Variants in FBXL4 observed in about 807,000 individuals in gnomAD.
FBXL4 encodes F-box and leucine rich repeat protein 4, also known as F-box/LRR-repeat protein 4.
Under a neutral mutation model 58.9 loss-of-function variants are expected in FBXL4, and 40 were observed. The ratio of observed to expected loss-of-function variants is 0.68; its 90% CI spans 0.53 to 0.88. FBXL4 has a LOEUF of 0.88. Among genes scored for constraint, FBXL4 ranks in the 40% least tolerant of loss-of-function variants. The pLI is 0.00. For synonymous variants in FBXL4, 263 were observed against 265.5 expected (o/e 0.99, Z 0.09); for missense variants, 676 against 734.4 (o/e 0.92, Z 0.92).
At chr6:98,939,976 T>G (rs1013261035) in intron 1 of FBXL4, among the ~76,000 whole-genome samples, 1 of 152,246 alleles carries the variant, frequency 6.6e-6, no homozygotes, top group African/African-American at 2.4e-5. Flanking sequence ...TAGTACAGTA[T>G]GTACCACAGC....
intron 1 of FBXL4, among the ~76,000 whole-genome samples, chr6:98,944,456 G>A (rs899179291): frequency 2.6e-5 from 4 of 152,116 alleles, no homozygotes; most frequent in African/African-American, 7.2e-5. Flanking sequence ...CATACAGATA[G>A]TCAACCTCAT....
chr6:98,898,303 T>C (rs1057374463), intron 7 of FBXL4: 1 of 985,252 alleles, frequency 1.0e-6, no homozygotes, highest in Non-Finnish European at 1.2e-6. Context: ...AAAAAGTATA[T>C]GACAAACAGT....
chr6:98,926,744 G>T lies in FBXL4; in HGVS notation c.245C>A (p.Pro82Gln). Residue 82 changes from proline (P) to glutamine (Q), a missense_variant, in exon 4 of 10, where the codon CCA becomes CAA. Transcript: ENST00000369244. ...SYTMWNLAGV[P>Q]NVFPSSGDFT... ...GTCACCAGAACTTGGGAATACATTTGGTACACCAGCCAAATTCCACATAGT... is the reference window on the plus strand; with the variant it reads ...GTCACCAGAACTTGGGAATACATTTTGTACACCAGCCAAATTCCACATAGT... The T allele has an allele frequency of 6.2e-7, 1 of 1,614,134 alleles. No homozygotes were observed. Among genetic ancestry groups the T allele is most frequent in the Non-Finnish European group, 8.5e-7 (1 of 1,180,034 alleles).
chr6:98,895,626 A>T (rs1475666159), intron 7 of FBXL4, among the ~76,000 whole-genome samples: 1 of 152,190 alleles, frequency 6.6e-6, no homozygotes, highest in East Asian at 1.9e-4. Context: ...TTGAGACCAT[A>T]ATTTAATTAT....
At position 98,946,564 on chromosome 6, in the gene FBXL4, A is replaced by G. The variant is rs555228195; in HGVS notation, c.-309+1242T>C. On this transcript the variant is annotated intron_variant, in intron 1 of 9. Transcript: ENST00000369244. The stretch of plus-strand genomic sequence containing the variant: ...GCAAGTACCATATGTACCATTGTAC[A>G]GAGTACTATAATCGCATTATTTCAT... Among the ~76,000 whole-genome samples the G allele has an allele frequency of 1.1e-4, 16 of 152,348 alleles. No homozygotes were observed. In the South Asian group the frequency reaches 3.3e-3, roughly 32 times the overall value.
At chr6:98,881,256 T>G (rs1197373914) in intron 7 of FBXL4, among the ~76,000 whole-genome samples, 2 of 152,178 alleles carry the variant, frequency 1.3e-5, no homozygotes, top group Non-Finnish European at 2.9e-5. Context: ...AGCCCATCTA[T>G]CCTGTGCAAT....
In FBXL4 at chr6:98,917,663, T is replaced by C; in HGVS notation, c.569A>G (p.Gln190Arg). Residue 190 changes from glutamine (Q) to arginine (R), a missense_variant, in exon 5 of 10, where the codon CAG (glutamine) becomes CGG (arginine). Coordinates refer to ENST00000369244, the MANE Select transcript of FBXL4 (RefSeq NM_001278716.2). ...TATCTGCTTAATACAAGGTTTAAAC[T>C]GGCGAGCTTGGGAAGCATTCACCTT... The part of the protein sequence containing the change: ...PTKVNASQAR[Q>R]FKPCIKQINF... 1 of 1,612,592 alleles carries C rather than the reference T, an allele frequency of 6.2e-7. No homozygotes were observed.
Position 98,874,274 on chromosome 6 carries a change from TAA to T in FBXL4, c.*2_*3del. 6.3e-7 allele frequency: 1 copy of T among 1,575,752 alleles called. No individual in the cohort carries two copies. Among genetic ancestry groups the T allele is most frequent in the Non-Finnish European group, 8.6e-7 (1 of 1,167,634 alleles). ...ATTAATTTTAATACAGAACATATAT[TAA>T]GTCACTGAGTAAAGCTCTTTTTTAT... is the stretch of plus-strand genomic sequence containing the variant. On this transcript the variant is annotated 3_prime_UTR_variant, in exon 10 of 10. Transcript: ENST00000369244.
In FBXL4 at chr6:98,917,685, C is replaced by G. The variant is rs774720010; in HGVS notation, c.547G>C (p.Val183Leu). 1 of 1,611,722 alleles carries G rather than the reference C, an allele frequency of 6.2e-7. No individual in the cohort carries two copies. The highest frequency in any genetic ancestry group is 1.1e-5 in the South Asian group (1 of 90,698). Residue 183 changes from valine (V) to leucine (L), a missense_variant, in exon 5 of 10, where the codon GTG becomes CTG. By Grantham distance (32) the Val-to-Leu change is conservative. Transcript: ENST00000369244. ...AACTGGCGAGCTTGGGAAGCATTCA[C>G]CTTCGTAGGTCTCTCTGACCAAAGA... ...EILWSERPTK[V>L]NASQARQFKP... is the part of the protein sequence containing the mutation.
chr6:98,947,177 A>T (rs1359069521), intron 1 of FBXL4, among the ~76,000 whole-genome samples: 1 of 152,252 alleles, frequency 6.6e-6, no homozygotes, highest in Non-Finnish European at 1.5e-5. Context: ...ATGCATCTCG[A>T]AGGTTTGTGG....
rs1770429589 is a variant in FBXL4, at chr6:98,869,191, G to A, written c.*5087C>T. ...TAAGGGTAGTTAAAAAAGTTTCTCT[G>A]AAGTATCAATATCAAATGTGCTAAA... On this transcript the variant is annotated 3_prime_UTR_variant, in exon 10 of 10. Transcript: ENST00000369244. 6.6e-6 allele frequency: 1 copy of A among 152,190 alleles called. No individual in the cohort carries two copies. Among genetic ancestry groups the A allele is most frequent in the African/African-American group, 2.4e-5 (1 of 41,452 alleles). 9.4% of individuals were successfully genotyped at this position (152,190 alleles called of 1,614,324 possible).
Position 98,917,404 on chromosome 6 carries a change from AT to A in FBXL4, c.827del (p.Asn276IlefsTer15), listed in dbSNP as rs1240941970. On this transcript the variant is annotated frameshift_variant, in exon 5 of 10. Transcript: ENST00000369244. LOFTEE classifies it high-confidence loss of function. ...AAGGTAGTTTATCAAAATACCCATT[AT>A]TTGGCCCTTCCCCGAGGACAGCACT... ...FSSAVLGEGP[N>X]NGYFDKLPYE... The A allele has an allele frequency of 6.2e-7, 1 of 1,611,108 alleles. No homozygotes were observed. Among genetic ancestry groups the A allele is most frequent in the Admixed American group, 1.7e-5 (1 of 59,730 alleles).
chr6:98,891,106 T>C (rs1452582419), intron 7 of FBXL4, among the ~76,000 whole-genome samples: 1 of 152,212 alleles, frequency 6.6e-6, no homozygotes, highest in Admixed American at 6.5e-5. Flanking sequence ...CAATATGGTA[T>C]AGATTATATA....
intron 5 of FBXL4, among the ~76,000 whole-genome samples, chr6:98,909,774 C>G (rs1308942066): frequency 6.6e-6 from 1 of 152,090 alleles, no homozygotes; most frequent in Non-Finnish European, 1.5e-5. Flanking sequence ...TTTCCTCCCT[C>G]CTCCCAGTAA....
At position 98,872,666 on chromosome 6, in the gene FBXL4, T is replaced by G. The variant is rs1258680518; in HGVS notation, c.*1612A>C. On this transcript the variant is annotated 3_prime_UTR_variant, in exon 10 of 10. Coordinates refer to ENST00000369244, the MANE Select transcript of FBXL4 (RefSeq NM_001278716.2). ...GTTTTACCTCTTAGCCCACAAAGCC[T>G]AAAATATTTACTATCTGGCCCTTTA... is the stretch of plus-strand genomic sequence containing the variant. 6.6e-6 allele frequency: 1 copy of G among 152,186 alleles called. No homozygotes were observed. The highest frequency in any genetic ancestry group is 2.4e-5 in the African/African-American group (1 of 41,450). The allele number at this position is 152,186 out of a possible 1,614,324, so 9.4% of individuals were successfully genotyped here.
chr6:98,923,126 G>A (rs1772646748), intron 4 of FBXL4, among the ~76,000 whole-genome samples: 1 of 152,082 alleles, frequency 6.6e-6, no homozygotes, highest in East Asian at 1.9e-4. Flanking sequence ...TCCAGCCCAT[G>A]GTAAAAGTCT....
At chr6:98,917,041 G>A (rs1772386505) in intron 5 of FBXL4, among the ~76,000 whole-genome samples, 1 of 151,866 alleles carries the variant, frequency 6.6e-6, no homozygotes, top group South Asian at 2.1e-4. Context: ...CTAATAAAAA[G>A]TTAAGCATGT....
rs1440901858 is a variant in FBXL4, at chr6:98,917,444, T to C, written c.788A>G (p.Asn263Ser). The change falls in exon 5 of 10, where the codon AAC becomes AGC. Residue 263 changes from asparagine (N) to serine (S), a missense_variant. By Grantham distance (46) the Asn-to-Ser change is conservative. Coordinates refer to ENST00000369244, the MANE Select transcript of FBXL4 (RefSeq NM_001278716.2). ...EKDGCGMDSL[N>S]KKFSSAVLGE... Reference sequence around the variant, plus strand: ...GAGGACAGCACTGCTAAACTTTTTGTTAAGACTGTCCATTCCACAACCATC... The same window carrying C: ...GAGGACAGCACTGCTAAACTTTTTGCTAAGACTGTCCATTCCACAACCATC... 8 of 1,613,876 alleles carry C rather than the reference T, an allele frequency of 5.0e-6. No homozygotes were observed. The South Asian group carries it at 8.8e-5, about 18-fold the overall frequency.
Position 98,899,291 on chromosome 6 carries a change from C to G in FBXL4, c.1294G>C (p.Val432Leu), listed in dbSNP as rs760332582. ...ACCTCTACTTTTGTTCGATAGAGAA[C>G]AAGTCGTTTAAGGCTGCATAACTTG... ...IAKLCSLKRL[V>L]LYRTKVEQTA... Residue 432 changes from valine to leucine, a missense_variant, in exon 7 of 10, where the codon GTT becomes CTT. By Grantham distance (32) the Val-to-Leu change is conservative (BLOSUM62 1). Transcript: ENST00000369244. 1 of 1,613,892 alleles carries G rather than the reference C, an allele frequency of 6.2e-7. No individual in the cohort carries two copies. The highest frequency in any genetic ancestry group is 1.1e-5 in the South Asian group (1 of 91,066).
Sources: gnomAD v4.1 joint callset for allele counts (sites outside exome capture counted in the v4.1 genomes callset) on GRCh38, gnomAD v4.1.1 for gene constraint, MANE v1.5 for transcripts, NCBI Gene and HGNC (gene_info 2026-07-23, HGNC 2026-07-21) for gene names.